ADAM2: variants seen among roughly 807,000 people sequenced by gnomAD.
The protein encoded by ADAM2 is ADAM metallopeptidase domain 2, also known as disintegrin and metalloproteinase domain-containing protein 2.
A neutral mutation model predicts 99.3 loss-of-function variants in ADAM2; 101 were observed. The observed-to-expected ratio is 1.02, with a 90% CI of 0.87 to 1.20. The LOEUF is 1.20. Ranked by LOEUF, ADAM2 falls within the 50% of genes most tolerant of loss-of-function variation. ADAM2 has a pLI of 0.00. For synonymous variants in ADAM2, 323 were observed against 287.6 expected (o/e 1.12, Z -1.25); for missense variants, 948 against 878.7 (o/e 1.08, Z -1.00).
chr8:39,831,151 CCAAA>C (rs1003679961), intron 3 of ADAM2, among the ~76,000 whole-genome samples: 3 of 152,026 alleles, frequency 2.0e-5, no homozygotes, highest in Admixed American at 2.0e-4. Flanking sequence ...TTACAGCAGC[CCAAA>C]CAGACTAAGA....
intron 10 of ADAM2, among the ~76,000 whole-genome samples, chr8:39,780,583 T>C (rs1171487203): frequency 6.6e-6 from 1 of 152,140 alleles, no homozygotes; most frequent in African/African-American, 2.4e-5. Context: ...CAGAATATCA[T>C]TGAAAGAACA....
intron 6 of ADAM2, among the ~76,000 whole-genome samples, chr8:39,813,111 A>C (rs981515495): frequency 6.6e-6 from 1 of 152,234 alleles, no homozygotes; most frequent in Non-Finnish European, 1.5e-5. Context: ...TGGGTGAAGG[A>C]TATGAACAGA....
intron 10 of ADAM2, among the ~76,000 whole-genome samples, chr8:39,778,682 GA>G (rs1803096019): frequency 6.6e-6 from 1 of 152,008 alleles, no homozygotes; most frequent in Admixed American, 6.6e-5. Flanking sequence ...GGAGGACGAG[GA>G]GGAGGAGAAA....
At chr8:39,790,134 G>A (rs180819126) in intron 7 of ADAM2, among the ~76,000 whole-genome samples, 19 of 151,948 alleles carry the variant, frequency 1.3e-4, no homozygotes, top group Non-Finnish European at 2.4e-4. Context: ...TTTGTCAAAC[G>A]TGAAAAGGAG....
intron 7 of ADAM2, among the ~76,000 whole-genome samples, chr8:39,807,945 A>G (rs1250294348): frequency 6.6e-6 from 1 of 152,148 alleles, no homozygotes; most frequent in African/African-American, 2.4e-5. Context: ...AAACAGTAAC[A>G]ATGACAACAA....
Position 39,755,885 on chromosome 8 carries a change from C to G in ADAM2, c.1640G>C (p.Cys547Ser). ...ADNLQCGKLI[C>S]KYVGKFLLQI... Reference sequence around the variant, plus strand: ...TAATAAAAATTTACCTACATATTTACATATTAATTTTCCGCACTGCAGATT... The same window carrying G: ...TAATAAAAATTTACCTACATATTTAGATATTAATTTTCCGCACTGCAGATT... The change falls in exon 16 of 21, where the codon TGT becomes TCT. Residue 547 changes from cysteine to serine, a missense_variant. Coordinates refer to ENST00000265708, the MANE Select transcript of ADAM2 (RefSeq NM_001464.5). The G allele has an allele frequency of 6.4e-7, 1 of 1,567,158 alleles. No homozygotes were observed. The highest frequency in any genetic ancestry group is 1.1e-5 in the South Asian group (1 of 87,646).
At chr8:39,779,312 C>T (rs755088593) in intron 10 of ADAM2, among the ~76,000 whole-genome samples, 14 of 151,970 alleles carry the variant, frequency 9.2e-5, no homozygotes, top group Non-Finnish European at 1.5e-4. Flanking sequence ...CCTCTATGTG[C>T]GCATGGAGAG....
chr8:39,777,047 A>G lies in ADAM2; in HGVS notation c.1006T>C (p.Cys336Arg), dbSNP rs556054229. Residue 336 changes from cysteine to arginine, a missense_variant, in exon 11 of 21, where the codon TGC becomes CGC. Transcript: ENST00000265708. The part of the protein sequence containing the change: ...INKCQCSGAV[C>R]IMNPEAIHFS... ...TACATTGCTTCTGGATTCATAATGC[A>G]GACAGCTCCTGAGCACTGGCATTTG... The G allele has an allele frequency of 4.2e-5, 67 of 1,588,256 alleles. 1 individual carries two copies. The South Asian group carries it at 7.2e-4, about 17-fold the overall frequency.
intron 6 of ADAM2, among the ~76,000 whole-genome samples, chr8:39,813,769 G>T (rs1406419198): frequency 6.6e-6 from 1 of 151,986 alleles, no homozygotes; most frequent in African/African-American, 2.4e-5. Context: ...AGGGCCTGTT[G>T]TGGGGTTGCG....
intron 10 of ADAM2, among the ~76,000 whole-genome samples, chr8:39,783,607 G>C (rs1294364094): frequency 6.6e-6 from 1 of 152,020 alleles, no homozygotes; most frequent in Admixed American, 6.6e-5. Context: ...TATATCTAAA[G>C]ACGTATAATT....
Position 39,755,755 on chromosome 8 carries a change from T to C in ADAM2, c.1770A>G (p.Lys590=). 6.2e-7 allele frequency: 1 copy of C among 1,613,354 alleles called. No homozygotes were observed. Residue 590 remains lysine (K), a synonymous_variant, in exon 16 of 21, where the codon AAA becomes AAG. Transcript: ENST00000265708. ...TATTTGAACCACAAGAAGTTCCATC[T>C]TTTATCCACATCTTTTGGCTGTCTG... is the stretch of plus-strand genomic sequence containing the variant. ...DHADSQKMWI[K]DGTSCGSNKV...
At chr8:39,787,935 A>C (rs747418040) in intron 9 of ADAM2, 150 bp downstream of exon 9, 14 of 494,464 alleles carry the variant, frequency 2.8e-5, no homozygotes, top group Non-Finnish European at 4.7e-5. Context: ...AGTAATTCCA[A>C]TATAAATACC....
At chr8:39,759,492 A>G (rs1802271968) in intron 15 of ADAM2, among the ~76,000 whole-genome samples, 1 of 152,202 alleles carries the variant, frequency 6.6e-6, no homozygotes, top group Admixed American at 6.5e-5. Flanking sequence ...ACTCAAAACA[A>G]TGAATGAAAT....
At chr8:39,749,882 A>G in intron 16 of ADAM2, 138 bp from the exon 17 acceptor site, 2 of 577,822 alleles carry the variant, frequency 3.5e-6, no homozygotes, top group Non-Finnish European at 6.2e-6. Context: ...TAGTATACTA[A>G]CAATGAATAG....
chr8:39,764,981 C>A (rs1586065654), intron 14 of ADAM2, among the ~76,000 whole-genome samples: 1 of 151,920 alleles, frequency 6.6e-6, no homozygotes, highest in South Asian at 2.1e-4. Flanking sequence ...CAAGATCACA[C>A]CACTGCACTC....
chr8:39,805,323 A>T (rs959842187), intron 7 of ADAM2, among the ~76,000 whole-genome samples: 2 of 152,232 alleles, frequency 1.3e-5, no homozygotes, highest in Non-Finnish European at 2.9e-5. Flanking sequence ...TCTAAAGGTG[A>T]CTATGACAAG....
chr8:39,759,987 C>G (rs962411925), intron 15 of ADAM2, among the ~76,000 whole-genome samples: 1 of 152,138 alleles, frequency 6.6e-6, no homozygotes, highest in Admixed American at 6.5e-5. Flanking sequence ...CTGCCTCAGC[C>G]TCTCGAGTAG....
chr8:39,809,453 A>G lies in ADAM2; in HGVS notation c.527T>C (p.Phe176Ser). Residue 176 changes from phenylalanine (F) to serine (S), a missense_variant, in exon 7 of 21, where the codon TTT becomes TCT. Physicochemically the swap from Phe to Ser is radical, Grantham distance 155 (BLOSUM62 -2). Transcript: ENST00000265708. Reference protein sequence around the residue: ...KLQSVEPQQDFAKYIEMHVIV... With the variant: ...KLQSVEPQQDSAKYIEMHVIV... Reference sequence around the variant, plus strand: ...AACATGCATTTCTATATACTTTGCAAAATCTTGCTGTGGCTGAAAAAATCC... The same window carrying G: ...AACATGCATTTCTATATACTTTGCAGAATCTTGCTGTGGCTGAAAAAATCC... 1 of 1,438,556 alleles carries G rather than the reference A, an allele frequency of 7.0e-7. No individual in the cohort carries two copies. Among genetic ancestry groups the G allele is most frequent in the Non-Finnish European group, 9.6e-7 (1 of 1,036,354 alleles). 89.1% of individuals were successfully genotyped at this position (1,438,556 alleles called of 1,614,324 possible).
chr8:39,820,144 T>C (rs1421639257), intron 6 of ADAM2, among the ~76,000 whole-genome samples: 1 of 152,176 alleles, frequency 6.6e-6, no homozygotes, highest in Non-Finnish European at 1.5e-5. Context: ...TGAACATTTT[T>C]GTCAAACTAG....
Sources: allele counts gnomAD v4.1 joint callset (sites outside exome capture counted in the v4.1 genomes callset), GRCh38; gene constraint gnomAD v4.1.1; transcripts MANE v1.5; gene names NCBI Gene and HGNC (gene_info 2026-07-23, HGNC 2026-07-21).